The following IL1R1 variants were observed in gnomAD, a reference collection of about 807,000 sequenced individuals.
The protein encoded by IL1R1 is interleukin 1 receptor type 1.
Under a neutral mutation model 50.2 loss-of-function variants are expected in IL1R1, and 22 were observed. That is an observed-to-expected ratio of 0.44 (90% CI 0.31 to 0.63). The LOEUF (loss-of-function observed/expected upper bound fraction) is 0.63, where lower values mean the gene tolerates loss of function less well. Ranked by LOEUF, IL1R1 falls within the 20% of genes least tolerant of loss-of-function variation. The pLI is 0.07. For missense variants in IL1R1, 509 were observed against 676.2 expected (o/e 0.75, Z 2.74); for synonymous variants, 251 against 236.7 (o/e 1.06, Z -0.55).
In IL1R1 at chr2:102,135,002, A is replaced by G. The variant is rs149248311; in HGVS notation, c.-83-18939A>G. On this transcript the variant is annotated intron_variant, in intron 1 of 10. Coordinates refer to the IL1R1 transcript ENST00000409329. ...ATATTGCTAGGTTATTTACAAGCAC[A>G]CAGCTAATATGTCAAAGGAACAAGG... Among the ~76,000 whole-genome samples the G allele has an allele frequency of 2.1e-3, 317 of 152,334 alleles. 1 individual carries two copies. Among genetic ancestry groups the G allele is most frequent in the Non-Finnish European group, 2.4e-3 (166 of 68,030 alleles).
intron 1 of IL1R1, among the ~76,000 whole-genome samples, chr2:102,092,332 G>C (rs193281237): frequency 6.6e-6 from 1 of 152,096 alleles, no homozygotes; most frequent in East Asian, 1.9e-4. Context: ...TGAAAATTTT[G>C]TTTTTCCGCT....
At chr2:102,159,535 T>C (rs1196853778) in intron 3 of IL1R1, among the ~76,000 whole-genome samples, 25 of 152,192 alleles carry the variant, frequency 1.6e-4, no homozygotes, top group Non-Finnish European at 2.8e-4. Flanking sequence ...TCCCCAGGAA[T>C]GTGTCAGAGC....
intron 1 of IL1R1, among the ~76,000 whole-genome samples, chr2:102,085,764 G>T (rs1193524491): frequency 6.6e-6 from 1 of 151,986 alleles, no homozygotes; most frequent in East Asian, 1.9e-4. Flanking sequence ...TTTTGATTGG[G>T]ATTGCAATTA....
intron 1 of IL1R1, among the ~76,000 whole-genome samples, chr2:102,078,514 G>A (rs1234982555): frequency 1.3e-5 from 2 of 148,960 alleles, no homozygotes; most frequent in African/African-American, 5.0e-5. Flanking sequence ...TAGATAATCT[G>A]AATGGGACTA....
intron 1 of IL1R1, among the ~76,000 whole-genome samples, chr2:102,147,273 TA>T (rs1287476923): frequency 1.3e-5 from 2 of 152,184 alleles, no homozygotes; most frequent in African/African-American, 2.4e-5. Context: ...TTTACCCCAA[TA>T]AAAAAATTAT....
Position 102,156,334 on chromosome 2 carries a change from G to A in IL1R1, c.-6-1385G>A, listed in dbSNP as rs1270556103. ...GGGTCAGAGTTAAAAGATATTGAAG[G>A]AATGCAGTTTTACTGCTCTGAGGTA... On this transcript the variant is annotated intron_variant, in intron 2 of 11. Coordinates refer to ENST00000410023, the MANE Select transcript of IL1R1 (RefSeq NM_000877.4). 7 of 152,624 alleles carry A rather than the reference G, an allele frequency of 4.6e-5. 1 individual carries two copies. The highest frequency in any genetic ancestry group is 1.5e-5 in the Non-Finnish European group (1 of 68,038). 9.5% of individuals were successfully genotyped at this position (152,624 alleles called of 1,614,324 possible). A position where few individuals can be genotyped will look rare whatever the true frequency, so the allele number is the denominator to read the frequency against.
intron 2 of IL1R1, among the ~76,000 whole-genome samples, chr2:102,156,467 C>T (rs1341625536): frequency 6.6e-6 from 1 of 151,558 alleles, no homozygotes; most frequent in Non-Finnish European, 1.5e-5. Context: ...CTTTTTTTTT[C>T]CTGTATTTGT....
chr2:102,172,283 A>G (rs1578038777), intron 8 of IL1R1: 2 of 985,114 alleles, frequency 2.0e-6, no homozygotes, highest in Admixed American at 6.2e-5. Flanking sequence ...GAAAGCCTCT[A>G]CTGGTTTCCT....
intron 1 of IL1R1, among the ~76,000 whole-genome samples, chr2:102,106,924 A>G (rs1392144122): frequency 6.6e-6 from 1 of 152,158 alleles, no homozygotes; most frequent in Non-Finnish European, 1.5e-5. Flanking sequence ...TAACAGTACT[A>G]CAACTAACAC....
intron 3 of IL1R1, among the ~76,000 whole-genome samples, chr2:102,160,311 T>C (rs1684601862): frequency 6.6e-6 from 1 of 152,218 alleles, no homozygotes. Flanking sequence ...ATTTTATTGA[T>C]TTTGTGAAAG....
chr2:102,118,687 C>A (rs1283324907), intron 1 of IL1R1, among the ~76,000 whole-genome samples: 3 of 152,074 alleles, frequency 2.0e-5, no homozygotes, highest in Non-Finnish European at 4.4e-5. Context: ...TCGCTTCAAT[C>A]CCTGGTCACA....
rs755009694 is a variant in IL1R1, at chr2:102,166,220, A to C, written c.594A>C (p.Ala198=). ...ATAGAGGGAACTATACTTGTCATGCATCCTACACATACTTGGGCAAGCAAT... is the reference window on the plus strand; with the variant it reads ...ATAGAGGGAACTATACTTGTCATGCCTCCTACACATACTTGGGCAAGCAAT... ...EKHRGNYTCH[A]SYTYLGKQYP... The change falls in exon 6 of 12, where the codon GCA becomes GCC. Residue 198 remains alanine, a synonymous_variant. Coordinates refer to ENST00000410023, the MANE Select transcript of IL1R1 (RefSeq NM_000877.4). The C allele has an allele frequency of 1.2e-6, 2 of 1,613,904 alleles. No individual in the cohort carries two copies. The highest frequency in any genetic ancestry group is 1.7e-6 in the Non-Finnish European group (2 of 1,179,856).
intron 1 of IL1R1, among the ~76,000 whole-genome samples, chr2:102,117,508 C>T (rs1263964758): frequency 1.3e-5 from 2 of 152,178 alleles, no homozygotes; most frequent in East Asian, 3.9e-4. Context: ...TTTCTTGGAT[C>T]CTTAAATAGC....
chr2:102,114,628 C>T (rs186053854), intron 1 of IL1R1, among the ~76,000 whole-genome samples: 118 of 152,284 alleles, frequency 7.7e-4, no homozygotes, highest in Non-Finnish European at 1.3e-4. Context: ...AAATTACACT[C>T]GGTATCACTC....
intron 1 of IL1R1, among the ~76,000 whole-genome samples, chr2:102,095,378 T>C (rs577728423): frequency 6.6e-6 from 1 of 152,354 alleles, no homozygotes; most frequent in South Asian, 2.1e-4. Flanking sequence ...TGATGAAGTT[T>C]CATTATAAAG....
chr2:102,168,774 A>G, intron 7 of IL1R1, 111 bp downstream of exon 7: 1 of 747,796 alleles, frequency 1.3e-6, no homozygotes, highest in East Asian at 2.9e-5. Context: ...TACTGTATAA[A>G]TCTATCAATG....
At chr2:102,079,419 A>G (rs1487179084) in intron 1 of IL1R1, among the ~76,000 whole-genome samples, 1 of 152,164 alleles carries the variant, frequency 6.6e-6, no homozygotes, top group African/African-American at 2.4e-5. Context: ...TACAAAATCA[A>G]TATATGAAAA....
chr2:102,137,751 A>T (rs978258547), upstream of IL1R1, among the ~76,000 whole-genome samples: 2 of 152,226 alleles, frequency 1.3e-5, no homozygotes, highest in Non-Finnish European at 2.9e-5. Flanking sequence ...ATTAGACTTT[A>T]CCTCTAAATT....
At chr2:102,143,483 G>T (rs1682853444) in intron 1 of IL1R1, among the ~76,000 whole-genome samples, 1 of 152,186 alleles carries the variant, frequency 6.6e-6, no homozygotes, top group Admixed American at 6.5e-5. Context: ...GCAAGTAGGC[G>T]CTGAGAAGAC....
Sources: gnomAD v4.1 joint callset for allele counts (sites outside exome capture counted in the v4.1 genomes callset) on GRCh38, gnomAD v4.1.1 for gene constraint, MANE v1.5 for transcripts, NCBI Gene and HGNC (gene_info 2026-07-23, HGNC 2026-07-21) for gene names.